The following ADAMTS16 variants were observed in gnomAD, a reference collection of about 807,000 sequenced individuals.
ADAMTS16 encodes the protein A disintegrin and metalloproteinase with thrombospondin motifs 16.
Under a neutral mutation model 145.8 loss-of-function variants are expected in ADAMTS16, and 94 were observed. That is an observed-to-expected ratio of 0.64 (90% confidence interval 0.55 to 0.77). The LOEUF (loss-of-function observed/expected upper bound fraction) is 0.77, where lower values mean the gene tolerates loss of function less well. Ranked by LOEUF, ADAMTS16 falls within the 30% of genes least tolerant of loss-of-function variation. The probability of loss-of-function intolerance (pLI) is 0.00; values close to 1 mark genes in which losing one functional copy is unlikely to be tolerated. For missense variants in ADAMTS16, 1,585 were observed against 1,591.5 expected (o/e 1.00, Z 0.07); for synonymous variants, 659 against 604.3 (o/e 1.09, Z -1.33).
At chr5:5,267,619 C>G (rs1275113668) in intron 18 of ADAMTS16, among the ~76,000 whole-genome samples, 1 of 152,150 alleles carries the variant, frequency 6.6e-6, no homozygotes, top group Non-Finnish European at 1.5e-5. Context: ...GATGTCAAAT[C>G]ACTTGTGTGT....
chr5:5,217,715 T>C (rs1301064129), intron 10 of ADAMTS16, among the ~76,000 whole-genome samples: 2 of 152,226 alleles, frequency 1.3e-5, no homozygotes, highest in Non-Finnish European at 2.9e-5. Context: ...TCTTAAATTA[T>C]GGACTAGAAT....
At chr5:5,312,019 C>T (rs903014233) in intron 21 of ADAMTS16, among the ~76,000 whole-genome samples, 3 of 152,104 alleles carry the variant, frequency 2.0e-5, no homozygotes, top group Admixed American at 1.3e-4. Flanking sequence ...ACTCGGCCAT[C>T]GGTTCGCTTC....
At chr5:5,314,317 T>C (rs1367497321) in intron 21 of ADAMTS16, among the ~76,000 whole-genome samples, 1 of 152,126 alleles carries the variant, frequency 6.6e-6, no homozygotes, top group Non-Finnish European at 1.5e-5. Context: ...GGAATTAGCA[T>C]GTATTTATTT....
At chr5:5,251,893 G>A (rs1039348463) in intron 17 of ADAMTS16, among the ~76,000 whole-genome samples, 2 of 152,010 alleles carry the variant, frequency 1.3e-5, no homozygotes. Flanking sequence ...GTCTCACTCT[G>A]TCACCCAGGC....
At chr5:5,305,541 TACAC>T (rs113675807) in intron 20 of ADAMTS16, among the ~76,000 whole-genome samples, 6 of 115,594 alleles carry the variant, frequency 5.2e-5, no homozygotes, top group East Asian at 3.0e-4. Context: ...TCCCACACCA[TACAC>T]ACACACACAC....
At chr5:5,201,735 A>G (rs537570862) in intron 9 of ADAMTS16, among the ~76,000 whole-genome samples, 84 of 152,286 alleles carry the variant, frequency 5.5e-4, no homozygotes, top group African/African-American at 2.0e-3. Context: ...AAACGAGATT[A>G]TCTGCCTTCC....
chr5:5,257,032 A>G (rs1737807314), intron 17 of ADAMTS16, among the ~76,000 whole-genome samples: 3 of 152,176 alleles, frequency 2.0e-5, no homozygotes, highest in Admixed American at 2.0e-4. Context: ...AGTCCGTAAG[A>G]TTTTCTGCAG....
At chr5:5,248,861 C>T (rs1737536447) in intron 17 of ADAMTS16, among the ~76,000 whole-genome samples, 1 of 152,188 alleles carries the variant, frequency 6.6e-6, no homozygotes, top group Non-Finnish European at 1.5e-5. Context: ...ATGGAATAAA[C>T]ATTTAAATTC....
intron 5 of ADAMTS16, among the ~76,000 whole-genome samples, chr5:5,186,869 T>C (rs1464272863): frequency 6.6e-6 from 1 of 152,216 alleles, no homozygotes; most frequent in Non-Finnish European, 1.5e-5. Flanking sequence ...TTTTTAAGAA[T>C]AGTTTTAATG....
At chr5:5,276,806 G>A (rs1490953592) in intron 18 of ADAMTS16, among the ~76,000 whole-genome samples, 1 of 151,940 alleles carries the variant, frequency 6.6e-6, no homozygotes, top group African/African-American at 2.4e-5. Flanking sequence ...CTCCCTCAGA[G>A]TGTGACCACT....
rs1265241536 is a variant in ADAMTS16 at position 5,258,819 on chromosome 5, C to CATATGT, written c.2663-3821_2663-3816dup. Among the ~76,000 whole-genome samples, 76 of 151,522 alleles carry CATATGT rather than the reference C, an allele frequency of 5.0e-4. 1 individual carries two copies. Among genetic ancestry groups the CATATGT allele is most frequent in the East Asian group, 1.5e-3 (8 of 5,182 alleles). ...TGGGAGTGGCAGGAATGTGTGCATGCATATGTATATGTATATGTATATATA... is the reference window on the plus strand; with the variant it reads ...TGGGAGTGGCAGGAATGTGTGCATGCATATGTATATGTATATGTATATGTATATATA... On this transcript the variant is annotated intron_variant, in intron 17 of 22. Coordinates refer to ENST00000274181, the MANE Select transcript of ADAMTS16 (RefSeq NM_139056.4).
intron 8 of ADAMTS16, 66 bp from the exon 9 acceptor site, chr5:5,200,066 G>A: frequency 6.6e-7 from 1 of 1,505,672 alleles, no homozygotes; most frequent in East Asian, 2.5e-5. Flanking sequence ...AATTGTTAGA[G>A]GGTATCAGAT....
chr5:5,310,752 C>T lies in ADAMTS16; in HGVS notation c.3411+4024C>T, dbSNP rs866193516. Among the ~76,000 whole-genome samples the T allele has an allele frequency of 6.6e-6, 1 of 152,238 alleles. No individual in the cohort carries two copies. Among genetic ancestry groups the T allele is most frequent in the Non-Finnish European group, 1.5e-5 (1 of 68,046 alleles). ...CTGCTCATACCTTAATTTTGGATTT[C>T]TGGCGTCCTAAACTGTGAAAGAATA... On this transcript the variant is annotated intron_variant, in intron 21 of 22. Coordinates refer to ENST00000274181, the MANE Select transcript of ADAMTS16 (RefSeq NM_139056.4). This position sits in a 1 kb window ranked among gnomAD's most constrained non-coding sequence, Gnocchi z 4.3.
intron 3 of ADAMTS16, among the ~76,000 whole-genome samples, chr5:5,178,597 A>G (rs147112822): frequency 1.3e-5 from 2 of 152,342 alleles, no homozygotes; most frequent in African/African-American, 4.8e-5. Flanking sequence ...TATGTATTTA[A>G]TGAAATTGGA....
intron 18 of ADAMTS16, among the ~76,000 whole-genome samples, chr5:5,273,401 T>C (rs1738562325): frequency 1.3e-5 from 2 of 152,226 alleles, no homozygotes; most frequent in African/African-American, 4.8e-5. Context: ...CACACGCCTG[T>C]GCTCTCAACT....
intron 18 of ADAMTS16, among the ~76,000 whole-genome samples, chr5:5,297,676 T>C (rs1393632909): frequency 1.3e-5 from 2 of 152,152 alleles, no homozygotes; most frequent in African/African-American, 4.8e-5. Flanking sequence ...CTGGTAAAAA[T>C]GGCATGCTGG....
At chr5:5,172,470 A>T (rs1424424303) in intron 3 of ADAMTS16, among the ~76,000 whole-genome samples, 1 of 151,978 alleles carries the variant, frequency 6.6e-6, no homozygotes, top group Admixed American at 6.5e-5. Context: ...AAATAAATTT[A>T]ATTTTCTTCT....
At chr5:5,233,786 G>C (rs1046402098) in intron 12 of ADAMTS16, among the ~76,000 whole-genome samples, 1 of 152,124 alleles carries the variant, frequency 6.6e-6, no homozygotes, top group Non-Finnish European at 1.5e-5. Context: ...TATTGTGAAG[G>C]TGCTGCACAA....
chr5:5,152,360 T>G (rs1327937372), intron 3 of ADAMTS16, among the ~76,000 whole-genome samples: 1 of 152,212 alleles, frequency 6.6e-6, no homozygotes, highest in Non-Finnish European at 1.5e-5. Flanking sequence ...AACTTTAACC[T>G]ACAAGTGAGA....
Sources: gnomAD v4.1 joint callset for allele counts (sites outside exome capture counted in the v4.1 genomes callset) on GRCh38, gnomAD v4.1.1 for gene constraint, Gnocchi (gnomAD v3.1) non-coding constraint, MANE v1.5 for transcripts, NCBI Gene and HGNC (gene_info 2026-07-23, HGNC 2026-07-21) for gene names.